The following STAB2 variants were observed in gnomAD, a reference collection of about 807,000 sequenced individuals.
STAB2 encodes stabilin-2.
A neutral mutation model predicts 338.1 loss-of-function variants in STAB2; 288 were observed. That is an observed-to-expected ratio of 0.85 (90% CI 0.77 to 0.94). The LOEUF is 0.94. Ranked by LOEUF, STAB2 falls within the 40% of genes least tolerant of loss-of-function variation. The pLI, the probability that STAB2 is intolerant of heterozygous loss-of-function variation, is 0.00. For missense variants in STAB2, 3,141 were observed against 3,210.1 expected, an observed-to-expected ratio of 0.98 and a Z score of 0.52; for synonymous variants, 1,202 against 1,193.3, an observed-to-expected ratio of 1.01 and a Z score of -0.15.
In STAB2 at chr12:103,725,059, G is replaced by A. The variant is rs775429105; in HGVS notation, c.4768G>A (p.Gly1590Arg). The A allele has an allele frequency of 1.2e-6, 2 of 1,613,576 alleles. No individual in the cohort carries two copies. Reference sequence around the variant, plus strand: ...TTGTACTTGCAAGCCAAACTACATTGGAGATGGATTTACCTGCCGCGGCAG... The same window carrying A: ...TTGTACTTGCAAGCCAAACTACATTAGAGATGGATTTACCTGCCGCGGCAG... ...RTCTCKPNYI[G>R]DGFTCRGSIY... The change falls in exon 45 of 69, where the codon GGA becomes AGA. Residue 1590 changes from glycine to arginine, a missense_variant. By Grantham distance (125) the Gly-to-Arg change is moderately radical. Transcript: ENST00000388887.
intron 25 of STAB2, among the ~76,000 whole-genome samples, chr12:103,682,048 AG>A (rs1876960888): frequency 6.6e-6 from 1 of 152,144 alleles, no homozygotes; most frequent in African/African-American, 2.4e-5. Context: ...TTTGGGAATA[AG>A]GGGACGCAGT....
At chr12:103,602,790 T>C (rs1027381637) in intron 3 of STAB2, among the ~76,000 whole-genome samples, 5 of 152,216 alleles carry the variant, frequency 3.3e-5, no homozygotes, top group Non-Finnish European at 7.4e-5. Context: ...TCTTTAAATA[T>C]TTAAGATATT....
intron 6 of STAB2, among the ~76,000 whole-genome samples, 194 bp from the exon 7 acceptor site, chr12:103,636,917 T>C (rs1055330497): frequency 6.6e-6 from 1 of 152,240 alleles, no homozygotes; most frequent in Non-Finnish European, 1.5e-5. Flanking sequence ...TAAATTAATA[T>C]ATTTTATTGA....
chr12:103,672,457 G>T (rs1158891717), intron 22 of STAB2, among the ~76,000 whole-genome samples: 1 of 152,140 alleles, frequency 6.6e-6, no homozygotes, highest in Non-Finnish European at 1.5e-5. Flanking sequence ...TCATACAGGG[G>T]TCTCGTACCT....
At chr12:103,750,753 C>T (rs1378947000) in intron 60 of STAB2, 33 bp downstream of exon 60, 2 of 1,591,520 alleles carry the variant, frequency 1.3e-6, no homozygotes, top group African/African-American at 1.3e-5. Flanking sequence ...GCCCAAAGCA[C>T]CCTCCTCTTC....
In STAB2 at chr12:103,668,682, G is replaced by A; in HGVS notation, c.2125G>A (p.Gly709Arg). The part of the protein sequence containing the change: ...THRCVYSGRF[G>R]SLKSGCARYC... Reference sequence around the variant, plus strand: ...CAGATGTGTCTACAGTGGCAGGTTTGGGAGCCTGAAGAGCGGCTGTGCCCG... The same window carrying A: ...CAGATGTGTCTACAGTGGCAGGTTTAGGAGCCTGAAGAGCGGCTGTGCCCG... Residue 709 changes from glycine to arginine, a missense_variant, in exon 20 of 69, where the codon GGG becomes AGG. By Grantham distance (125) the Gly-to-Arg change is moderately radical (BLOSUM62 -2). Coordinates refer to ENST00000388887, the MANE Select transcript of STAB2 (RefSeq NM_017564.10). The A allele has an allele frequency of 1.3e-6, 2 of 1,550,928 alleles. No individual in the cohort carries two copies. The highest frequency in any genetic ancestry group is 1.7e-6 in the Non-Finnish European group (2 of 1,146,850).
At chr12:103,611,030 T>C (rs7953012) in intron 3 of STAB2, among the ~76,000 whole-genome samples, 5,594 of 152,326 alleles carry the variant, frequency 0.037, 335 homozygotes, top group African/African-American at 0.13. Flanking sequence ...AGTTCTAGTT[T>C]GATTGCACTG....
intron 3 of STAB2, among the ~76,000 whole-genome samples, chr12:103,608,419 G>A (rs1451835893): frequency 1.3e-5 from 2 of 152,192 alleles, no homozygotes; most frequent in Admixed American, 1.3e-4. Context: ...TGGGATTACA[G>A]GCATGAGCCA....
At chr12:103,735,034 C>T (rs966303618) in intron 51 of STAB2, among the ~76,000 whole-genome samples, 3 of 152,172 alleles carry the variant, frequency 2.0e-5, no homozygotes, top group African/African-American at 7.2e-5. Context: ...TCCAGGATTA[C>T]CTCATCCTAA....
chr12:103,623,281 A>G (rs1444284130), intron 5 of STAB2, among the ~76,000 whole-genome samples: 1 of 152,152 alleles, frequency 6.6e-6, no homozygotes, highest in Non-Finnish European at 1.5e-5. Flanking sequence ...GGGCAGAATA[A>G]CGGCTCCCTG....
At chr12:103,662,711 C>T (rs1874727047) in intron 17 of STAB2, 135 bp from the exon 18 acceptor site, 1 of 998,262 alleles carries the variant, frequency 1.0e-6, no homozygotes, top group Non-Finnish European at 1.4e-6. Context: ...TAATAGCAAC[C>T]TACCCTCCAA....
chr12:103,731,490 T>C lies in STAB2; in HGVS notation c.5224-86T>C, dbSNP rs933846001. ...TATGTATCCGTCAGGTTATGTTACC[T>C]TTACTTTTTTTCACTTGAGCTCTTG... On this transcript the variant is annotated intron_variant, in intron 49 of 68. Transcript: ENST00000388887. The C allele has an allele frequency of 9.8e-6, 14 of 1,431,118 alleles. No homozygotes were observed. In the African/African-American group the frequency reaches 2.0e-4, roughly 21 times the overall value. 88.7% of individuals were successfully genotyped at this position (1,431,118 alleles called of 1,614,324 possible).
At chr12:103,681,005 G>A (rs1482669318) in intron 25 of STAB2, among the ~76,000 whole-genome samples, 2 of 152,222 alleles carry the variant, frequency 1.3e-5, no homozygotes, top group Admixed American at 6.5e-5. Context: ...TGTGCGAGGC[G>A]ACAGACAAAC....
chr12:103,702,941 A>C (rs1404964640), intron 34 of STAB2, among the ~76,000 whole-genome samples: 1 of 152,256 alleles, frequency 6.6e-6, no homozygotes, highest in East Asian at 1.9e-4. Context: ...CAATTGGCCT[A>C]AGGTCACACA....
At chr12:103,716,038 GA>G in intron 43 of STAB2, 150 bp downstream of exon 43, 1 of 905,712 alleles carries the variant, frequency 1.1e-6, no homozygotes, top group East Asian at 2.7e-5. Context: ...AAAGAATCAA[GA>G]GGCCCTTCTT....
At chr12:103,587,904 C>T (rs1174700634) in intron 1 of STAB2, among the ~76,000 whole-genome samples, 1 of 152,222 alleles carries the variant, frequency 6.6e-6, no homozygotes, top group African/African-American at 2.4e-5. Context: ...TAGAAAATAA[C>T]TATGGCTGTG....
chr12:103,742,991 G>A (rs1346279391), intron 56 of STAB2, among the ~76,000 whole-genome samples: 5 of 151,044 alleles, frequency 3.3e-5, no homozygotes, highest in Non-Finnish European at 7.4e-5. Flanking sequence ...AAGAGCTTAA[G>A]TGATTTGCTC....
intron 6 of STAB2, among the ~76,000 whole-genome samples, chr12:103,634,457 A>G (rs1826594): frequency 6.6e-6 from 1 of 151,916 alleles, no homozygotes. Context: ...TACAATCTGT[A>G]TCAAACTTTA....
intron 3 of STAB2, among the ~76,000 whole-genome samples, chr12:103,616,280 A>G (rs944502844): frequency 6.6e-5 from 10 of 152,268 alleles, no homozygotes; most frequent in Non-Finnish European, 1.3e-4. Context: ...ATGTGTTATA[A>G]CAGGAATGAG....
Sources: gnomAD v4.1 joint callset for allele counts (sites outside exome capture counted in the v4.1 genomes callset) on GRCh38, gnomAD v4.1.1 for gene constraint, MANE v1.5 for transcripts, NCBI Gene and HGNC (gene_info 2026-07-23, HGNC 2026-07-21) for gene names.